The following BACH2 variants were observed in gnomAD, a reference collection of about 807,000 sequenced individuals.
BACH2 encodes transcription regulator protein BACH2.
In BACH2, 5 loss-of-function variants were observed where a neutral mutation model predicts 61.8. That is an observed-to-expected ratio of 0.08 (90% CI 0.04 to 0.17). The LOEUF is 0.17. BACH2 is among the 10% of genes least tolerant of loss of function. BACH2 has a pLI of 1.00. For missense variants in BACH2, 824 were observed against 1,091.1 expected (o/e 0.76, Z 3.45); for synonymous variants, 446 against 440.1 (o/e 1.01, Z -0.17).
chr6:90,069,304 G>C (rs1781113365), intron 5 of BACH2, among the ~76,000 whole-genome samples: 1 of 152,188 alleles, frequency 6.6e-6, no homozygotes, highest in Admixed American at 6.5e-5. Context: ...TTCTGACTCA[G>C]TAAAACAGTT....
chr6:90,185,654 G>A lies in BACH2; in HGVS notation c.-162+20915C>T, dbSNP rs141575062. 5.3e-3 allele frequency among the ~76,000 whole-genome samples: 800 copies of A among 152,254 alleles called. 6 individuals carry two copies. The highest frequency in any genetic ancestry group is 0.018 in the African/African-American group (751 of 41,550). ...ACTTAAATTAAGAAGAAAATTACCT[G>A]TGGATGAAACGACATCTGATGATGG... On this transcript the variant is annotated intron_variant, in intron 4 of 8. Coordinates refer to ENST00000257749, the MANE Select transcript of BACH2 (RefSeq NM_021813.4).
chr6:90,025,304 T>C (rs186898051), intron 5 of BACH2, among the ~76,000 whole-genome samples: 33 of 152,306 alleles, frequency 2.2e-4, no homozygotes, highest in African/African-American at 7.9e-4. Context: ...TTTTGCTTCT[T>C]TTGTGTAACC....
At chr6:90,163,490 C>T (rs1356228710) in intron 4 of BACH2, among the ~76,000 whole-genome samples, 1 of 152,020 alleles carries the variant, frequency 6.6e-6, no homozygotes. Flanking sequence ...AATGTGGACC[C>T]CTAAGAGTAC....
intron 3 of BACH2, among the ~76,000 whole-genome samples, chr6:90,251,372 G>A (rs1770803142): frequency 6.6e-6 from 1 of 152,112 alleles, no homozygotes; most frequent in South Asian, 2.1e-4. Flanking sequence ...CATAGACGCG[G>A]ATGGTTTCTT....
chr6:89,965,171 G>A (rs1415964934), intron 6 of BACH2, among the ~76,000 whole-genome samples: 1 of 152,222 alleles, frequency 6.6e-6, no homozygotes, highest in Non-Finnish European at 1.5e-5. Flanking sequence ...ACAGGCATAA[G>A]CCACAGTGAC....
intron 5 of BACH2, among the ~76,000 whole-genome samples, chr6:90,022,593 T>C (rs1177811555): frequency 6.6e-6 from 1 of 152,154 alleles, no homozygotes; most frequent in African/African-American, 2.4e-5. Flanking sequence ...CAAAAATGAA[T>C]GAACGAATGA....
At chr6:90,076,744 C>T (rs931029404) in intron 5 of BACH2, among the ~76,000 whole-genome samples, 5 of 152,124 alleles carry the variant, frequency 3.3e-5, no homozygotes, top group African/African-American at 4.8e-5. Flanking sequence ...CTGATCCATC[C>T]GCCTTCATCC....
At chr6:90,104,046 T>C (rs1439373826) in intron 4 of BACH2, among the ~76,000 whole-genome samples, 1 of 152,226 alleles carries the variant, frequency 6.6e-6, no homozygotes, top group Non-Finnish European at 1.5e-5. Context: ...AGGGACATAC[T>C]GACCCTTAAT....
At chr6:90,139,663 T>C (rs1784398236) in intron 4 of BACH2, among the ~76,000 whole-genome samples, 1 of 152,238 alleles carries the variant, frequency 6.6e-6, no homozygotes, top group East Asian at 1.9e-4. Flanking sequence ...TATTTGTGAA[T>C]GAACACGGTA....
At chr6:89,968,503 C>T (rs1376096804) in intron 6 of BACH2, among the ~76,000 whole-genome samples, 2 of 152,054 alleles carry the variant, frequency 1.3e-5, no homozygotes, top group Non-Finnish European at 2.9e-5. Context: ...AACAAAAGTC[C>T]ACGTTTTCAT....
rs568698032 is a variant in BACH2 at position 89,992,866 on chromosome 6, C to T, written c.243+15736G>A. ...TTAGTAGGTTGTTATAAAGTTTACT[C>T]TTTAACACATATTGAAGCCCTAATC... On this transcript the variant is annotated intron_variant, in intron 6 of 8. Transcript: ENST00000257749. 1.7e-3 allele frequency among the ~76,000 whole-genome samples: 265 copies of T among 152,266 alleles called. 3 individuals are homozygous for T. The highest frequency in any genetic ancestry group is 9.4e-4 in the Non-Finnish European group (64 of 68,018).
At chr6:90,201,992 G>A (rs1768971452) in intron 4 of BACH2, among the ~76,000 whole-genome samples, 1 of 152,168 alleles carries the variant, frequency 6.6e-6, no homozygotes, top group Non-Finnish European at 1.5e-5. Context: ...TCTTTAAGAA[G>A]TTTAAAATGA....
At chr6:90,143,865 C>T (rs774864641) in intron 4 of BACH2, among the ~76,000 whole-genome samples, 4 of 152,116 alleles carry the variant, frequency 2.6e-5, no homozygotes, top group Non-Finnish European at 5.9e-5. Flanking sequence ...CTGCCCCGAC[C>T]CTGCTCAACA....
intron 8 of BACH2, among the ~76,000 whole-genome samples, chr6:89,934,530 G>T (rs3887833): frequency 1.3e-5 from 2 of 151,838 alleles, no homozygotes; most frequent in Non-Finnish European, 2.9e-5. Flanking sequence ...GTGTTGGTGC[G>T]TGCTTATAAT....
At chr6:90,253,922 T>C (rs1770894050) in intron 2 of BACH2, among the ~76,000 whole-genome samples, 2 of 152,144 alleles carry the variant, frequency 1.3e-5, no homozygotes, top group African/African-American at 2.4e-5. Flanking sequence ...ATGGCACAAA[T>C]TGCTTTTAAC....
At chr6:90,092,578 T>C (rs1472224906) in intron 4 of BACH2, among the ~76,000 whole-genome samples, 1 of 151,944 alleles carries the variant, frequency 6.6e-6, no homozygotes, top group Admixed American at 6.6e-5. Context: ...CACATGAGAA[T>C]GTATACAGAA....
rs1029781409 is a variant in BACH2 at position 89,930,290 on chromosome 6, A to G, written c.*2118T>C. ...ATGAACTGACAAATTTCTGGCATTC[A>G]TACATATTTAAACATTTAGTGCTAA... is the stretch of plus-strand genomic sequence containing the variant. On this transcript the variant is annotated 3_prime_UTR_variant, in exon 9 of 9. Coordinates refer to ENST00000257749, the MANE Select transcript of BACH2 (RefSeq NM_021813.4). 1.6e-5 allele frequency: 2 copies of G among 128,156 alleles called. No homozygotes were observed. Among genetic ancestry groups the G allele is most frequent in the African/African-American group, 6.1e-5 (2 of 32,888 alleles). 7.9% of individuals were successfully genotyped at this position (128,156 alleles called of 1,614,324 possible).
intron 4 of BACH2, among the ~76,000 whole-genome samples, chr6:90,149,185 A>G (rs1667494936): frequency 6.6e-6 from 1 of 151,674 alleles, no homozygotes; most frequent in Non-Finnish European, 1.5e-5. Context: ...ACAAGAACAA[A>G]TAAGAACGTA....
At chr6:90,058,754 T>C (rs1187419729) in intron 5 of BACH2, among the ~76,000 whole-genome samples, 3 of 152,184 alleles carry the variant, frequency 2.0e-5, no homozygotes, top group African/African-American at 4.8e-5. Context: ...CAAAACAGCA[T>C]GGTACTGGTA....
Sources: allele counts gnomAD v4.1 joint callset (sites outside exome capture counted in the v4.1 genomes callset), GRCh38; gene constraint gnomAD v4.1.1; transcripts MANE v1.5; gene names NCBI Gene and HGNC (gene_info 2026-07-23, HGNC 2026-07-21).